The following EPB41L3 variants were observed in gnomAD, a reference collection of about 807,000 sequenced individuals.
EPB41L3 encodes band 4.1-like protein 3.
Under a neutral mutation model 127.1 loss-of-function variants are expected in EPB41L3, and 57 were observed. That is an observed-to-expected ratio of 0.45 (90% confidence interval 0.36 to 0.56). The LOEUF is 0.56. Among genes scored for constraint, EPB41L3 ranks in the 20% least tolerant of loss-of-function variants. The pLI is 0.00. For synonymous variants in EPB41L3, 572 were observed against 549.5 expected (o/e 1.04, Z -0.57); for missense variants, 1,273 against 1,372.2 (o/e 0.93, Z 1.14).
At chr18:5,474,187 C>T (rs552070384) in intron 3 of EPB41L3, among the ~76,000 whole-genome samples, 11 of 151,360 alleles carry the variant, frequency 7.3e-5, no homozygotes, top group South Asian at 2.1e-4. Context: ...GCCGAGATCG[C>T]GCCACTGCAC....
chr18:5,507,012 C>A (rs1016918543), intron 1 of EPB41L3, among the ~76,000 whole-genome samples: 2 of 152,164 alleles, frequency 1.3e-5, no homozygotes, highest in Non-Finnish European at 2.9e-5. Context: ...CAGACATGGG[C>A]TAGAATTCTA....
At chr18:5,510,158 A>G (rs2092439975) in intron 1 of EPB41L3, among the ~76,000 whole-genome samples, 1 of 152,242 alleles carries the variant, frequency 6.6e-6, no homozygotes, top group Non-Finnish European at 1.5e-5. Context: ...TGACTCAGGC[A>G]ACACCTGCAT....
chr18:5,413,723 A>G (rs1292658881), intron 13 of EPB41L3, among the ~76,000 whole-genome samples: 1 of 152,206 alleles, frequency 6.6e-6, no homozygotes, highest in African/African-American at 2.4e-5. Flanking sequence ...ACAGATGGCT[A>G]GTTACAGAGT....
chr18:5,599,696 C>A (rs78854993), intron 3 of EPB41L3, among the ~76,000 whole-genome samples: 2 of 152,236 alleles, frequency 1.3e-5, no homozygotes, highest in East Asian at 3.9e-4. Flanking sequence ...TGCCTGCTCC[C>A]GCTTTGCCTT....
intron 4 of EPB41L3, among the ~76,000 whole-genome samples, chr18:5,444,870 C>T (rs943046915): frequency 2.0e-5 from 3 of 152,050 alleles, no homozygotes; most frequent in Admixed American, 6.5e-5. Context: ...AAAGGAACCA[C>T]ATAAAATGCT....
chr18:5,478,100 G>T, intron 3 of EPB41L3, 141 bp downstream of exon 3: 1 of 651,628 alleles, frequency 1.5e-6, no homozygotes, highest in Non-Finnish European at 2.5e-6. Flanking sequence ...TACAGACTAG[G>T]GAAATAATTT....
At chr18:5,512,183 T>C (rs1350504805) in intron 1 of EPB41L3, among the ~76,000 whole-genome samples, 2 of 152,158 alleles carry the variant, frequency 1.3e-5, no homozygotes, top group African/African-American at 4.8e-5. Context: ...TAAATTCCCA[T>C]CCTCAAAAAC....
chr18:5,503,413 A>T (rs1344787851), intron 1 of EPB41L3, among the ~76,000 whole-genome samples: 1 of 152,202 alleles, frequency 6.6e-6, no homozygotes, highest in Non-Finnish European at 1.5e-5. Context: ...AGGTGTACAG[A>T]ATCTCCACAG....
chr18:5,412,989 G>A (rs1429412413), intron 13 of EPB41L3, among the ~76,000 whole-genome samples: 3 of 151,724 alleles, frequency 2.0e-5, no homozygotes, highest in Non-Finnish European at 4.4e-5. Flanking sequence ...TTAGCATTTA[G>A]TCAGTCAGTC....
intron 1 of EPB41L3, among the ~76,000 whole-genome samples, chr18:5,529,724 C>T (rs1308638034): frequency 6.6e-6 from 1 of 152,186 alleles, no homozygotes; most frequent in Non-Finnish European, 1.5e-5. Context: ...TCTCTTTACT[C>T]TGCCCTCTCT....
intron 12 of EPB41L3, among the ~76,000 whole-genome samples, chr18:5,416,922 T>C (rs1188205843): frequency 6.6e-6 from 1 of 152,164 alleles, no homozygotes; most frequent in Non-Finnish European, 1.5e-5. Context: ...ACAAGGAGTT[T>C]ACATTCCAAA....
At chr18:5,574,018 C>T (rs1474087611) in intron 3 of EPB41L3, among the ~76,000 whole-genome samples, 3 of 151,556 alleles carry the variant, frequency 2.0e-5, no homozygotes, top group Admixed American at 2.0e-4. Flanking sequence ...TCAAGCGATT[C>T]TCCTGCGTCA....
At chr18:5,486,809 C>G (rs1260434620) in intron 2 of EPB41L3, among the ~76,000 whole-genome samples, 1 of 151,992 alleles carries the variant, frequency 6.6e-6, no homozygotes, top group African/African-American at 2.4e-5. Context: ...TGGCATATAT[C>G]AAAAAGACAG....
chr18:5,588,152 A>G (rs1481155636), intron 3 of EPB41L3, among the ~76,000 whole-genome samples: 1 of 152,216 alleles, frequency 6.6e-6, no homozygotes, highest in Admixed American at 6.5e-5. Context: ...GGAGTCATAT[A>G]CATTCCTGTA....
At chr18:5,612,597 C>T (rs1415349509) in intron 2 of EPB41L3, among the ~76,000 whole-genome samples, 4 of 152,170 alleles carry the variant, frequency 2.6e-5, no homozygotes, top group Non-Finnish European at 5.9e-5. Context: ...TTGTATTGGC[C>T]GAAGAGAACC....
rs57567803 is a variant in EPB41L3 at position 5,566,723 on chromosome 18, C to CATTCTATTCTATTCTATTCT, written c.-306+45597_-306+45616dup. On this transcript the variant is annotated intron_variant, in intron 3 of 21. Coordinates refer to the EPB41L3 transcript ENST00000545076. ...CTGACCTTTCTTTTCTTTTCTATTC[C>CATTCTATTCTATTCTATTCT]ATTCTATTCTATTCTATTCTATTCT... Among the ~76,000 whole-genome samples the CATTCTATTCTATTCTATTCT allele has an allele frequency of 7.2e-3, 805 of 112,390 alleles. 18 individuals are homozygous for CATTCTATTCTATTCTATTCT. The highest frequency in any genetic ancestry group is 0.013 in the African/African-American group (382 of 28,574). 73.7% of individuals were successfully genotyped at this position (112,390 alleles called of 152,430 possible).
chr18:5,556,242 G>A (rs1431438966), intron 3 of EPB41L3, among the ~76,000 whole-genome samples: 1 of 152,184 alleles, frequency 6.6e-6, no homozygotes, highest in Non-Finnish European at 1.5e-5. Context: ...TAGATACAAA[G>A]GAAAAAGCAA....
At chr18:5,510,946 A>C (rs749031434) in intron 1 of EPB41L3, among the ~76,000 whole-genome samples, 19 of 152,282 alleles carry the variant, frequency 1.2e-4, no homozygotes, top group Non-Finnish European at 2.4e-4. Context: ...CATTGTAGGC[A>C]ATCAGTTAAA....
At chr18:5,441,531 T>C (rs1343800767) in intron 5 of EPB41L3, among the ~76,000 whole-genome samples, 2 of 151,052 alleles carry the variant, frequency 1.3e-5, no homozygotes, top group Non-Finnish European at 2.9e-5. Context: ...AGTGGCGCGA[T>C]CTCGACTCAC....
Sources: gnomAD v4.1 joint callset for allele counts (sites outside exome capture counted in the v4.1 genomes callset) on GRCh38, gnomAD v4.1.1 for gene constraint, MANE v1.5 for transcripts, NCBI Gene and HGNC (gene_info 2026-07-23, HGNC 2026-07-21) for gene names.